The following PTPRM variants were observed in gnomAD, a reference collection of about 807,000 sequenced individuals.
PTPRM encodes the protein protein tyrosine phosphatase receptor type M.
A neutral mutation model predicts 186.7 loss-of-function variants in PTPRM; 47 were observed. The ratio of observed to expected loss-of-function variants is 0.25; its 90% CI spans 0.20 to 0.32. PTPRM has a LOEUF of 0.32. Ranked by LOEUF, PTPRM falls within the 10% of genes least tolerant of loss-of-function variation. PTPRM has a pLI of 1.00. For synonymous variants in PTPRM, 668 were observed against 674.9 expected (o/e 0.99, Z 0.16); for missense variants, 1,494 against 1,865.0 (o/e 0.80, Z 3.66).
intron 1 of PTPRM, among the ~76,000 whole-genome samples, chr18:7,585,531 G>A (rs776445197): frequency 7.9e-5 from 12 of 152,196 alleles, no homozygotes; most frequent in Admixed American, 2.6e-4. Flanking sequence ...TTGGAAAAGT[G>A]TTGAGTATTG....
chr18:7,709,791 A>G (rs888342283), intron 1 of PTPRM, among the ~76,000 whole-genome samples: 2 of 152,282 alleles, frequency 1.3e-5, no homozygotes, highest in African/African-American at 2.4e-5. Flanking sequence ...TGCACAAACT[A>G]TAAAATCTAG....
chr18:7,817,940 C>T (rs539587129), intron 2 of PTPRM, among the ~76,000 whole-genome samples: 5 of 152,230 alleles, frequency 3.3e-5, no homozygotes, highest in African/African-American at 7.2e-5. Context: ...AAAATGTTTC[C>T]GTCCAGAAAA....
chr18:7,817,160 A>G (rs1175976465), intron 2 of PTPRM, among the ~76,000 whole-genome samples: 2 of 151,992 alleles, frequency 1.3e-5, no homozygotes, highest in African/African-American at 4.8e-5. Flanking sequence ...TTTTTACTAG[A>G]AACAGGGTTT....
intron 14 of PTPRM, among the ~76,000 whole-genome samples, chr18:8,197,039 T>A (rs1232801626): frequency 1.3e-5 from 2 of 152,186 alleles, no homozygotes; most frequent in Non-Finnish European, 2.9e-5. Context: ...TTCAAGCACT[T>A]CAAGGTAAAG....
At chr18:7,622,673 G>A (rs1277050296) in intron 1 of PTPRM, among the ~76,000 whole-genome samples, 2 of 152,126 alleles carry the variant, frequency 1.3e-5, no homozygotes, top group Admixed American at 6.6e-5. Context: ...CCTCCTGCAG[G>A]GCTGGAGAGG....
intron 19 of PTPRM, among the ~76,000 whole-genome samples, chr18:8,274,290 T>C (rs1178188426): frequency 6.6e-6 from 1 of 152,242 alleles, no homozygotes. Context: ...ACGTGGAATT[T>C]GATCTATTTT....
intron 7 of PTPRM, among the ~76,000 whole-genome samples, chr18:7,965,138 C>T (rs1269974580): frequency 1.3e-5 from 2 of 150,828 alleles, no homozygotes; most frequent in African/African-American, 4.9e-5. Context: ...CTCCGCCTCC[C>T]AGTTACAAGC....
At chr18:8,131,146 A>G (rs1356294523) in intron 13 of PTPRM, among the ~76,000 whole-genome samples, 1 of 152,194 alleles carries the variant, frequency 6.6e-6, no homozygotes, top group Non-Finnish European at 1.5e-5. Flanking sequence ...AGAGACATTC[A>G]AAATTGAACT....
intron 11 of PTPRM, among the ~76,000 whole-genome samples, chr18:8,096,873 T>G (rs2091041324): frequency 1.3e-5 from 2 of 152,220 alleles, no homozygotes; most frequent in Admixed American, 6.5e-5. Flanking sequence ...GGTTGCAAAT[T>G]CCAAGAGACT....
chr18:8,401,477 C>A (rs1333963169), intron 32 of PTPRM, among the ~76,000 whole-genome samples: 1 of 152,206 alleles, frequency 6.6e-6, no homozygotes, highest in Non-Finnish European at 1.5e-5. Flanking sequence ...CCCACGCTGC[C>A]CTTCTGGCAG....
intron 7 of PTPRM, among the ~76,000 whole-genome samples, chr18:7,986,202 G>A (rs1195780408): frequency 1.3e-5 from 2 of 152,212 alleles, no homozygotes; most frequent in African/African-American, 2.4e-5. Flanking sequence ...CAAGTCCTCA[G>A]TAGTGCGTAA....
intron 13 of PTPRM, among the ~76,000 whole-genome samples, chr18:8,136,626 T>C (rs1172595374): frequency 7.2e-5 from 11 of 152,198 alleles, no homozygotes; most frequent in Admixed American, 7.2e-4. Context: ...AGTTATAAAT[T>C]CAAAAGCATA....
rs747381991 is a variant in PTPRM, at chr18:8,255,447, T to G, written c.2754+2033T>G. 7.6e-4 allele frequency among the ~76,000 whole-genome samples: 115 copies of G among 152,206 alleles called. 1 individual carries two copies. Among genetic ancestry groups the G allele is most frequent in the Non-Finnish European group, 1.3e-3 (88 of 68,036 alleles). On this transcript the variant is annotated intron_variant, in intron 19 of 32. Transcript: ENST00000580170. ...ATAAATATGATTTATAAGTATAAAC[T>G]GAAATATTATATACTAATTTGAACC... is the stretch of plus-strand genomic sequence containing the variant.
chr18:7,775,651 G>A (rs1295139471), intron 2 of PTPRM, among the ~76,000 whole-genome samples: 1 of 152,164 alleles, frequency 6.6e-6, no homozygotes, highest in Non-Finnish European at 1.5e-5. Flanking sequence ...TGCCCCAGAA[G>A]AGTGCACTTA....
intron 7 of PTPRM, among the ~76,000 whole-genome samples, chr18:8,051,222 G>A (rs1340690559): frequency 6.6e-6 from 1 of 152,170 alleles, no homozygotes; most frequent in Non-Finnish European, 1.5e-5. Flanking sequence ...AAGATATACT[G>A]TTATCCAGAA....
chr18:7,896,713 A>G (rs1490200651), intron 3 of PTPRM, among the ~76,000 whole-genome samples: 1 of 152,156 alleles, frequency 6.6e-6, no homozygotes, highest in Non-Finnish European at 1.5e-5. Context: ...TTAGGTGTGG[A>G]TTCAGCTTGC....
chr18:7,880,150 C>T (rs572736501), intron 2 of PTPRM, among the ~76,000 whole-genome samples: 33 of 152,206 alleles, frequency 2.2e-4, no homozygotes, highest in South Asian at 1.2e-3. Flanking sequence ...GACCCTCCCA[C>T]GACATGTGGG....
At chr18:7,950,664 C>T (rs777337845) in intron 6 of PTPRM, among the ~76,000 whole-genome samples, 14 of 152,120 alleles carry the variant, frequency 9.2e-5, no homozygotes, top group Non-Finnish European at 2.1e-4. Context: ...ACTTAGTATA[C>T]ATAGTGAGCA....
intron 1 of PTPRM, among the ~76,000 whole-genome samples, chr18:7,734,606 G>T (rs532765728): frequency 7.4e-4 from 112 of 152,292 alleles, no homozygotes; most frequent in African/African-American, 2.5e-3. Flanking sequence ...GGTTTCAGAA[G>T]AAGTGAAACT....
Sources: allele counts gnomAD v4.1 joint callset (sites outside exome capture counted in the v4.1 genomes callset), GRCh38; gene constraint gnomAD v4.1.1; transcripts MANE v1.5; gene names NCBI Gene and HGNC (gene_info 2026-07-23, HGNC 2026-07-21).